Variants in LPP observed in about 807,000 individuals in gnomAD.
LPP encodes lipoma-preferred partner.
In LPP, 38 loss-of-function variants were observed where a neutral mutation model predicts 60.4. The ratio of observed to expected loss-of-function variants is 0.63; its 90% confidence interval spans 0.49 to 0.83. The LOEUF is 0.83. Ranked by LOEUF, LPP falls within the 40% of genes least tolerant of loss-of-function variation. LPP has a pLI of 0.00. For synonymous variants in LPP, 328 were observed against 290.8 expected (o/e 1.13, Z -1.30); for missense variants, 902 against 783.6 (o/e 1.15, Z -1.80).
intron 6 of LPP, among the ~76,000 whole-genome samples, chr3:188,581,552 T>C (rs547534652): frequency 1.3e-5 from 2 of 152,218 alleles, no homozygotes; most frequent in South Asian, 2.1e-4. Flanking sequence ...TCCTGGACTT[T>C]ACTCATTGAC....
intron 8 of LPP, among the ~76,000 whole-genome samples, chr3:188,743,241 ACT>A (rs1167834736): frequency 6.6e-6 from 1 of 152,120 alleles, no homozygotes; most frequent in African/African-American, 2.4e-5. Flanking sequence ...TAATTGGTTA[ACT>A]CACATAATTA....
chr3:188,734,927 G>C (rs1346984768), intron 8 of LPP, among the ~76,000 whole-genome samples: 1 of 152,194 alleles, frequency 6.6e-6, no homozygotes, highest in Non-Finnish European at 1.5e-5. Flanking sequence ...CCCATGCCCT[G>C]AATTCCAGAA....
chr3:188,845,384 A>T (rs1761137077), intron 9 of LPP, among the ~76,000 whole-genome samples: 1 of 152,232 alleles, frequency 6.6e-6, no homozygotes, highest in Non-Finnish European at 1.5e-5. Context: ...TGGGGGCTGG[A>T]CAGAAAGCTT....
chr3:188,171,630 A>G (rs1440184835), intron 1 of LPP, among the ~76,000 whole-genome samples: 1 of 152,206 alleles, frequency 6.6e-6, no homozygotes, highest in Non-Finnish European at 1.5e-5. Flanking sequence ...TTGTTCCATG[A>G]GTGAGACCAA....
intron 2 of LPP, chr3:188,247,194 T>A: frequency 4.1e-6 from 4 of 984,192 alleles, no homozygotes; most frequent in Non-Finnish European, 4.8e-6. Context: ...CTTCTTACCC[T>A]GAGATCAAGG....
At chr3:188,549,781 A>G (rs906352256) in intron 6 of LPP, among the ~76,000 whole-genome samples, 2 of 152,316 alleles carry the variant, frequency 1.3e-5, no homozygotes, top group South Asian at 2.1e-4. Context: ...GTATTTACTC[A>G]TGTATATTCT....
intron 6 of LPP, 112 bp downstream of exon 6, chr3:188,524,899 CCTTCCTTCCTTCCTTCCT>C (rs1579631693): frequency 1.5e-4 from 28 of 186,096 alleles, no homozygotes; most frequent in East Asian, 1.2e-3. Flanking sequence ...TTCCGTCCGT[CCTTCCTTCCTTCCTTCCT>C]TCCTTCCTTC....
chr3:188,505,335 T>G (rs1201562700), intron 5 of LPP, among the ~76,000 whole-genome samples: 1 of 152,182 alleles, frequency 6.6e-6, no homozygotes, highest in African/African-American at 2.4e-5. Flanking sequence ...CTTTTCTCCC[T>G]TCTTTACCAC....
At chr3:188,658,525 T>C (rs1472910979) in intron 7 of LPP, among the ~76,000 whole-genome samples, 4 of 152,154 alleles carry the variant, frequency 2.6e-5, no homozygotes, top group Non-Finnish European at 5.9e-5. Flanking sequence ...ACTCTCTCAA[T>C]CCTACTTCAC....
chr3:188,755,395 G>T (rs560105261), intron 8 of LPP, among the ~76,000 whole-genome samples: 1 of 151,998 alleles, frequency 6.6e-6, no homozygotes, highest in Non-Finnish European at 1.5e-5. Context: ...TGCAAAAGAG[G>T]GTCTGTGGCT....
chr3:188,427,868 T>C (rs1789833686), intron 4 of LPP, among the ~76,000 whole-genome samples: 1 of 152,026 alleles, frequency 6.6e-6, no homozygotes, highest in South Asian at 2.1e-4. Flanking sequence ...TGGGGTCCAC[T>C]GAGTTAGAAC....
At chr3:188,759,987 G>C (rs1483304071) in intron 8 of LPP, 126 bp from the exon 9 acceptor site, 4 of 720,916 alleles carry the variant, frequency 5.5e-6, no homozygotes, top group Non-Finnish European at 9.6e-6. Flanking sequence ...ATAGTACTGG[G>C]GTAATGACGG....
intron 4 of LPP, among the ~76,000 whole-genome samples, chr3:188,432,224 C>T (rs1791075104): frequency 6.6e-6 from 1 of 152,120 alleles, no homozygotes; most frequent in South Asian, 2.1e-4. Context: ...ACACAAATAT[C>T]TCTAAATCCA....
chr3:188,735,773 A>G (rs1722293231), intron 8 of LPP, among the ~76,000 whole-genome samples: 1 of 152,198 alleles, frequency 6.6e-6, no homozygotes, highest in Admixed American at 6.5e-5. Flanking sequence ...GTTTCAAACT[A>G]ACACTGTGGT....
intron 7 of LPP, among the ~76,000 whole-genome samples, chr3:188,634,479 C>T (rs1028932766): frequency 3.9e-5 from 6 of 152,300 alleles, no homozygotes; most frequent in African/African-American, 1.2e-4. Flanking sequence ...TCTACCAGTC[C>T]GTGACCTGTT....
chr3:188,781,930 A>G (rs1050258876), intron 9 of LPP, among the ~76,000 whole-genome samples: 3 of 150,818 alleles, frequency 2.0e-5, no homozygotes, highest in Admixed American at 2.0e-4. Flanking sequence ...CCCTTGATTC[A>G]CTTACCTCCC....
chr3:188,338,324 C>T (rs896097581), intron 2 of LPP, among the ~76,000 whole-genome samples: 4 of 152,172 alleles, frequency 2.6e-5, no homozygotes, highest in Non-Finnish European at 4.4e-5. Flanking sequence ...GAATGCAGGG[C>T]AGTCCATATT....
chr3:188,366,062 G>A (rs1463468682), intron 3 of LPP, among the ~76,000 whole-genome samples: 6 of 152,098 alleles, frequency 3.9e-5, no homozygotes, highest in Admixed American at 1.3e-4. Flanking sequence ...CCCTGGTCCC[G>A]GTAGCCATCA....
At chr3:188,748,748 A>C (rs1379049237) in intron 8 of LPP, among the ~76,000 whole-genome samples, 1 of 152,174 alleles carries the variant, frequency 6.6e-6, no homozygotes, top group Non-Finnish European at 1.5e-5. Context: ...GTGCCGTTGC[A>C]CTCCAGCTTG....
Sources: allele counts gnomAD v4.1 joint callset (sites outside exome capture counted in the v4.1 genomes callset), GRCh38; gene constraint gnomAD v4.1.1; transcripts MANE v1.5; gene names NCBI Gene and HGNC (gene_info 2026-07-23, HGNC 2026-07-21).